ATF1: variants seen among roughly 807,000 people sequenced by gnomAD.
ATF1 encodes the protein cyclic AMP-dependent transcription factor ATF-1.
Under a neutral mutation model 34.7 loss-of-function variants are expected in ATF1, and 16 were observed. The observed-to-expected ratio is 0.46, with a 90% CI of 0.31 to 0.70. The LOEUF is 0.70. Ranked by LOEUF, ATF1 falls within the 30% of genes least tolerant of loss-of-function variation. The probability of loss-of-function intolerance (pLI) is 0.05; values close to 1 mark genes in which losing one functional copy is unlikely to be tolerated. For synonymous variants in ATF1, 105 were observed against 113.1 expected (o/e 0.93, Z 0.46); for missense variants, 255 against 321.6 (o/e 0.79, Z 1.58).
At chr12:50,795,097 T>C (rs1941384251) in intron 2 of ATF1, among the ~76,000 whole-genome samples, 1 of 152,198 alleles carries the variant, frequency 6.6e-6, no homozygotes, top group African/African-American at 2.4e-5. Flanking sequence ...ATCATACAGA[T>C]TTTAAAATGG....
rs1482337961 is a variant in ATF1, at chr12:50,820,117, A to C, written c.*338A>C. On this transcript the variant is annotated 3_prime_UTR_variant, in exon 7 of 7. Coordinates refer to ENST00000262053, the MANE Select transcript of ATF1 (RefSeq NM_005171.5). ...TAAACTGAATTTTTTTTAAAAATCC[A>C]TTTACCCTACAGGTTTGCATTTGTT... The C allele has an allele frequency of 4.0e-6, 1 of 251,704 alleles. No homozygotes were observed. The highest frequency in any genetic ancestry group is 6.4e-5 in the East Asian group (1 of 15,562). The allele number at this position is 251,704 out of a possible 1,614,324, so 15.6% of individuals were successfully genotyped here.
At chr12:50,767,609 C>T (rs1210380130) in intron 1 of ATF1, among the ~76,000 whole-genome samples, 1 of 152,192 alleles carries the variant, frequency 6.6e-6, no homozygotes, top group Non-Finnish European at 1.5e-5. Flanking sequence ...GCTGCAGGTC[C>T]CTGTAACAAA....
At chr12:50,797,134 G>T (rs1256108189) in intron 3 of ATF1, among the ~76,000 whole-genome samples, 2 of 152,120 alleles carry the variant, frequency 1.3e-5, no homozygotes, top group East Asian at 3.9e-4. Flanking sequence ...GAATGAGAAG[G>T]TCCAGTACAC....
chr12:50,805,652 C>T (rs1051787907), intron 3 of ATF1, among the ~76,000 whole-genome samples: 2 of 151,566 alleles, frequency 1.3e-5, no homozygotes, highest in Non-Finnish European at 2.9e-5. Flanking sequence ...AGTAAGTCTC[C>T]TTATTAATAT....
At chr12:50,799,249 G>A (rs986454056) in intron 3 of ATF1, among the ~76,000 whole-genome samples, 4 of 152,092 alleles carry the variant, frequency 2.6e-5, no homozygotes, top group Admixed American at 6.6e-5. Context: ...GCTAGGTATG[G>A]TGGTGTGTAC....
At position 50,814,187 on chromosome 12, in the gene ATF1, T is replaced by C. The variant is rs1459053759; in HGVS notation, c.506T>C (p.Val169Ala). The C allele has an allele frequency of 6.2e-7, 1 of 1,613,814 alleles. No individual in the cohort carries two copies. Among genetic ancestry groups the C allele is most frequent in the Non-Finnish European group, 8.5e-7 (1 of 1,179,878 alleles). ...QILVPSNQVV[V>A]QTASGDMQTY... ...CTTGTGCCCAGCAATCAGGTGGTCG[T>C]ACAAAGTAAGTATGCTTTCTGTCTA... Residue 169 changes from valine to alanine, a missense_variant, in exon 5 of 7, where the codon GTA becomes GCA. Coordinates refer to ENST00000262053, the MANE Select transcript of ATF1 (RefSeq NM_005171.5).
chr12:50,816,925 T>C (rs1322697775), intron 6 of ATF1, among the ~76,000 whole-genome samples: 3 of 152,148 alleles, frequency 2.0e-5, no homozygotes, highest in Admixed American at 2.0e-4. Context: ...TACTCAGCCT[T>C]ATTAGTAATC....
chr12:50,779,010 TAA>T (rs1940995828), intron 1 of ATF1, among the ~76,000 whole-genome samples: 1 of 152,218 alleles, frequency 6.6e-6, no homozygotes, highest in Admixed American at 6.5e-5. Context: ...AGTGGAATCA[TAA>T]AGTTTTTGTA....
chr12:50,766,432 C>G (rs1940636911), intron 1 of ATF1, among the ~76,000 whole-genome samples: 1 of 152,064 alleles, frequency 6.6e-6, no homozygotes, highest in Non-Finnish European at 1.5e-5. Flanking sequence ...GCGCTCTTTG[C>G]TGATGGCTGT....
chr12:50,775,864 T>C (rs750575071), intron 1 of ATF1, among the ~76,000 whole-genome samples: 5 of 152,192 alleles, frequency 3.3e-5, no homozygotes, highest in Non-Finnish European at 7.3e-5. Context: ...TGTTTTTATA[T>C]TAGTCTGTGG....
At chr12:50,814,559 T>C in intron 6 of ATF1, 120 bp downstream of exon 6, 1 of 1,110,734 alleles carries the variant, frequency 9.0e-7, no homozygotes, top group Non-Finnish European at 1.3e-6. Context: ...AAGTAAACAA[T>C]GGACCACATA....
chr12:50,779,953 CAT>C (rs1941018203), intron 1 of ATF1, among the ~76,000 whole-genome samples, 185 bp from the exon 2 acceptor site: 1 of 152,202 alleles, frequency 6.6e-6, no homozygotes, highest in South Asian at 2.1e-4. Flanking sequence ...TAAACTTAAA[CAT>C]GTTTTTGTGG....
chr12:50,764,453 G>C (rs1002311877), intron 1 of ATF1, 146 bp downstream of exon 1: 2 of 151,756 alleles, frequency 1.3e-5, no homozygotes, highest in African/African-American at 2.4e-5. Flanking sequence ...GCAGCGGCAG[G>C]GGGAGGGGCC....
intron 4 of ATF1, among the ~76,000 whole-genome samples, chr12:50,811,775 A>G (rs1233707317): frequency 6.6e-6 from 1 of 152,030 alleles, no homozygotes; most frequent in African/African-American, 2.4e-5. Flanking sequence ...TGGGCAATAG[A>G]GCAAGACCAG....
At chr12:50,782,678 G>A (rs1592175942) in intron 2 of ATF1, among the ~76,000 whole-genome samples, 1 of 140,098 alleles carries the variant, frequency 7.1e-6, no homozygotes, top group East Asian at 2.1e-4. Context: ...GTGAGCCACT[G>A]TGGCCAGCCT....
intron 6 of ATF1, among the ~76,000 whole-genome samples, chr12:50,819,035 G>A (rs1476908055): frequency 6.6e-6 from 1 of 151,926 alleles, no homozygotes; most frequent in Non-Finnish European, 1.5e-5. Flanking sequence ...AAGAAGTCAT[G>A]TGTCAGAAGT....
chr12:50,812,754 G>A, intron 4 of ATF1, among the ~76,000 whole-genome samples: 1 of 152,012 alleles, frequency 6.6e-6, no homozygotes, highest in East Asian at 1.9e-4. Context: ...AGCCCAGGAG[G>A]TAGAGTGCAG....
chr12:50,771,915 T>G (rs1448201148), intron 1 of ATF1, among the ~76,000 whole-genome samples: 1 of 152,186 alleles, frequency 6.6e-6, no homozygotes, highest in Non-Finnish European at 1.5e-5. Flanking sequence ...CCTGTATGGT[T>G]TAAAAAGGGG....
chr12:50,764,230 T>C lies in ATF1; in HGVS notation c.-84T>C, dbSNP rs967191712. ...CCCGCTGCGTGAGGGGGTGGGGAAG[T>C]GGGTAGTGAATTCGGATCTACCTGG... On this transcript the variant is annotated 5_prime_UTR_variant, in exon 1 of 7. Coordinates refer to ENST00000262053, the MANE Select transcript of ATF1 (RefSeq NM_005171.5). 6.7e-6 allele frequency: 1 copy of C among 149,264 alleles called. No individual in the cohort carries two copies. Among genetic ancestry groups the C allele is most frequent in the Non-Finnish European group, 1.5e-5 (1 of 67,336 alleles). 9.2% of individuals were successfully genotyped at this position (149,264 alleles called of 1,614,324 possible). A position where few individuals can be genotyped will look rare whatever the true frequency, so the allele number is the denominator to read the frequency against.
Sources: gnomAD v4.1 joint callset for allele counts (sites outside exome capture counted in the v4.1 genomes callset) on GRCh38, gnomAD v4.1.1 for gene constraint, MANE v1.5 for transcripts, NCBI Gene and HGNC (gene_info 2026-07-23, HGNC 2026-07-21) for gene names.